ANK2: variants seen among roughly 807,000 people sequenced by gnomAD.
ANK2 encodes ankyrin-2.
Under a neutral mutation model 360.5 loss-of-function variants are expected in ANK2, and 83 were observed. That is an observed-to-expected ratio of 0.23 (90% confidence interval 0.19 to 0.28). The LOEUF (loss-of-function observed/expected upper bound fraction) is 0.28. Among genes scored for constraint, ANK2 ranks in the 10% least tolerant of loss-of-function variants. The pLI is 1.00. For synonymous variants in ANK2, 1,740 were observed against 1,759.5 expected (o/e 0.99, Z 0.28); for missense variants, 4,201 against 4,795.7 (o/e 0.88, Z 3.66).
chr4:113,235,899 G>A (rs1222245662), intron 5 of ANK2, among the ~76,000 whole-genome samples: 6 of 151,716 alleles, frequency 4.0e-5, no homozygotes, highest in East Asian at 1.9e-4. Flanking sequence ...CTGCCACCAC[G>A]CCCGGCTAAT....
chr4:112,998,267 A>G (rs1305836650), intron 2 of ANK2, among the ~76,000 whole-genome samples: 1 of 151,966 alleles, frequency 6.6e-6, no homozygotes, highest in Non-Finnish European at 1.5e-5. Context: ...TGCCTTTTGT[A>G]GGTGCAATTT....
chr4:113,181,406 C>T (rs567214854), intron 2 of ANK2, among the ~76,000 whole-genome samples: 3 of 152,080 alleles, frequency 2.0e-5, no homozygotes, highest in Non-Finnish European at 4.4e-5. Context: ...TTTTTTCTGC[C>T]GGTCTGAACT....
chr4:112,953,228 C>T (rs2095139794), intron 2 of ANK2, among the ~76,000 whole-genome samples: 1 of 152,174 alleles, frequency 6.6e-6, no homozygotes, highest in African/African-American at 2.4e-5. Context: ...TCTGGATTTC[C>T]ACTATATTCT....
intron 1 of ANK2, among the ~76,000 whole-genome samples, chr4:112,832,734 G>GT (rs1462103678): frequency 1.3e-5 from 2 of 152,160 alleles, no homozygotes; most frequent in East Asian, 1.9e-4. Context: ...GTCTTCTACT[G>GT]TTATGCACTA....
At chr4:113,363,506 G>C (rs751953709) in intron 40 of ANK2, 37 bp downstream of exon 40, 40 of 1,611,950 alleles carry the variant, frequency 2.5e-5, no homozygotes, top group Non-Finnish European at 3.3e-5. Flanking sequence ...GGCTAAAGTT[G>C]GACATGTCTT....
chr4:112,840,950 TTA>T (rs59058531), intron 1 of ANK2, among the ~76,000 whole-genome samples: 6,825 of 152,278 alleles, frequency 0.045, 484 homozygotes, highest in African/African-American at 0.15. Flanking sequence ...TTTCCTGCTG[TTA>T]TATACTTGAG....
At chr4:113,271,799 T>A (rs2153680444) in intron 14 of ANK2, among the ~76,000 whole-genome samples, 1 of 152,346 alleles carries the variant, frequency 6.6e-6, no homozygotes, top group South Asian at 2.1e-4. Context: ...AAGACACATT[T>A]TGCTGGACAG....
At chr4:112,807,041 G>A in the ANK2 span, among the ~76,000 whole-genome samples, 2 of 152,232 alleles carry the variant, frequency 1.3e-5, no homozygotes, top group African/African-American at 2.4e-5. Context: ...CTCTTCTATC[G>A]GATAAAGCTG....
chr4:113,162,765 T>C (rs115261168), intron 1 of ANK2, among the ~76,000 whole-genome samples: 1,800 of 150,958 alleles, frequency 0.012, 29 homozygotes, highest in African/African-American at 0.042. Context: ...CTTCAAAGAT[T>C]ATAAAATCTT....
chr4:112,808,277 A>G, the ANK2 span, among the ~76,000 whole-genome samples: 1 of 152,216 alleles, frequency 6.6e-6, no homozygotes, highest in Non-Finnish European at 1.5e-5. Flanking sequence ...ATATTGACAA[A>G]GTGGAGCATA....
At chr4:113,143,007 C>CAA (rs5861125) in intron 1 of ANK2, among the ~76,000 whole-genome samples, 15,869 of 148,684 alleles carry the variant, frequency 0.11, 1,007 homozygotes, top group South Asian at 0.16. Context: ...TGTTAATCTG[C>CAA]AAAAAAAAAA....
At chr4:112,889,052 C>A (rs570076643) in intron 1 of ANK2, among the ~76,000 whole-genome samples, 4 of 152,114 alleles carry the variant, frequency 2.6e-5, no homozygotes, top group Non-Finnish European at 5.9e-5. Context: ...AATGCAATTA[C>A]AAAACTGTGA....
At chr4:112,896,217 T>C (rs1369058285) in intron 1 of ANK2, among the ~76,000 whole-genome samples, 6 of 152,344 alleles carry the variant, frequency 3.9e-5, no homozygotes, top group Admixed American at 2.6e-4. Flanking sequence ...TACTTTGTTT[T>C]CCAGCCATAG....
At chr4:112,710,411 T>C in the ANK2 span, among the ~76,000 whole-genome samples, 2 of 152,264 alleles carry the variant, frequency 1.3e-5, no homozygotes, top group African/African-American at 2.4e-5. Context: ...GGAGAATAGC[T>C]TGGGCCAGGC....
the ANK2 span, among the ~76,000 whole-genome samples, chr4:112,747,467 A>T: frequency 3.3e-5 from 5 of 152,222 alleles, no homozygotes; most frequent in African/African-American, 1.2e-4. Context: ...GTTTATGTGC[A>T]TAATTGGTTA....
the ANK2 span, among the ~76,000 whole-genome samples, chr4:112,771,104 G>T: frequency 6.6e-6 from 1 of 152,008 alleles, no homozygotes; most frequent in Admixed American, 6.6e-5. Context: ...AAGCATACAC[G>T]TTTATTTATT....
intron 1 of ANK2, among the ~76,000 whole-genome samples, chr4:112,856,525 C>T (rs528848571): frequency 6.6e-6 from 1 of 152,170 alleles, no homozygotes; most frequent in East Asian, 1.9e-4. Context: ...GTCAGGGGTT[C>T]GAGACCAGCC....
intron 10 of ANK2, among the ~76,000 whole-genome samples, chr4:113,254,609 T>C (rs1224785332): frequency 6.6e-6 from 1 of 152,202 alleles, no homozygotes; most frequent in Admixed American, 6.5e-5. Flanking sequence ...CTTCTAAACA[T>C]GAAAGTAATA....
chr4:113,203,225 ATTTG>A (rs1475415954), intron 4 of ANK2, among the ~76,000 whole-genome samples: 2 of 152,214 alleles, frequency 1.3e-5, no homozygotes, highest in Admixed American at 1.3e-4. Flanking sequence ...TGTATGGGAC[ATTTG>A]TTTGGTCACT....
Sources: gnomAD v4.1 joint callset for allele counts (sites outside exome capture counted in the v4.1 genomes callset) on GRCh38, gnomAD v4.1.1 for gene constraint, MANE v1.5 for transcripts, NCBI Gene and HGNC (gene_info 2026-07-23, HGNC 2026-07-21) for gene names.